Variants in OXR1 observed in about 807,000 individuals in gnomAD.
The protein encoded by OXR1 is oxidation resistance protein 1.
Under a neutral mutation model 104.6 loss-of-function variants are expected in OXR1, and 41 were observed. That is an observed-to-expected ratio of 0.39 (90% CI 0.31 to 0.51). OXR1 has a LOEUF of 0.51. OXR1 is among the 20% of genes least tolerant of loss of function. The pLI is 0.77. For missense variants in OXR1, 955 were observed against 1,031.9 expected, an observed-to-expected ratio of 0.93 and a Z score of 1.02; for synonymous variants, 348 against 348.4, an observed-to-expected ratio of 1.00 and a Z score of 0.01.
chr8:106,302,908 G>A (rs868069316), intron 1 of OXR1, among the ~76,000 whole-genome samples: 5 of 151,250 alleles, frequency 3.3e-5, no homozygotes, highest in Middle Eastern at 3.2e-3. Flanking sequence ...CCCGCCACCA[G>A]GCCCGGCTAA....
At chr8:106,448,305 C>T (rs1820114109) in intron 2 of OXR1, among the ~76,000 whole-genome samples, 2 of 152,262 alleles carry the variant, frequency 1.3e-5, no homozygotes, top group Admixed American at 6.5e-5. Flanking sequence ...GTGCAGTATT[C>T]ATTGCATACG....
intron 3 of OXR1, among the ~76,000 whole-genome samples, chr8:106,641,213 C>T (rs2130941776): frequency 6.6e-6 from 1 of 152,236 alleles, no homozygotes; most frequent in South Asian, 2.1e-4. Flanking sequence ...TTTTTCTGTG[C>T]CAATTGAAGC....
chr8:106,485,849 G>A (rs1424184694), intron 2 of OXR1, among the ~76,000 whole-genome samples: 1 of 151,744 alleles, frequency 6.6e-6, no homozygotes, highest in Non-Finnish European at 1.5e-5. Context: ...AGTGAAATAA[G>A]CCAGGCACAA....
intron 15 of OXR1, among the ~76,000 whole-genome samples, chr8:106,744,522 T>G (rs1266407616): frequency 6.6e-6 from 1 of 152,216 alleles, no homozygotes; most frequent in African/African-American, 2.4e-5. Context: ...CCAGAAACAT[T>G]TAATGACTAA....
chr8:106,374,848 G>A (rs544335680), intron 2 of OXR1, among the ~76,000 whole-genome samples: 2 of 152,090 alleles, frequency 1.3e-5, no homozygotes, highest in Non-Finnish European at 2.9e-5. Context: ...CATCTTTTCT[G>A]GCTGATAAAT....
chr8:106,595,358 T>G (rs1318980194), intron 3 of OXR1, among the ~76,000 whole-genome samples: 1 of 151,898 alleles, frequency 6.6e-6, no homozygotes, highest in Non-Finnish European at 1.5e-5. Flanking sequence ...GAGACAAGCC[T>G]GGCCAACATA....
chr8:106,737,742 G>A (rs1834530730), intron 12 of OXR1, 142 bp downstream of exon 12: 1 of 401,220 alleles, frequency 2.5e-6, no homozygotes, highest in East Asian at 3.5e-5. Flanking sequence ...AAAGGTTATA[G>A]TATTGCCGTG....
chr8:106,644,965 G>T (rs1176010374), intron 3 of OXR1, among the ~76,000 whole-genome samples: 1 of 152,184 alleles, frequency 6.6e-6, no homozygotes, highest in East Asian at 1.9e-4. Flanking sequence ...GGCAGCTGCT[G>T]CTGTGAACAA....
chr8:106,459,265 C>T (rs990095276), intron 2 of OXR1, among the ~76,000 whole-genome samples: 3 of 151,784 alleles, frequency 2.0e-5, no homozygotes, highest in South Asian at 2.1e-4. Flanking sequence ...CTAGTTATTG[C>T]GTTATTGGGT....
intron 6 of OXR1, among the ~76,000 whole-genome samples, chr8:106,691,996 C>T (rs987995555): frequency 6.7e-6 from 1 of 150,286 alleles, no homozygotes; most frequent in African/African-American, 2.4e-5. Context: ...TACACACACA[C>T]ACACACACAT....
intron 9 of OXR1, among the ~76,000 whole-genome samples, chr8:106,708,756 A>G (rs1337155676): frequency 6.6e-6 from 1 of 152,136 alleles, no homozygotes; most frequent in Admixed American, 6.5e-5. Flanking sequence ...ATCTGTTTGA[A>G]TCCCTCCTTT....
chr8:106,582,526 G>A (rs755147789), intron 3 of OXR1, among the ~76,000 whole-genome samples: 1 of 151,938 alleles, frequency 6.6e-6, no homozygotes, highest in African/African-American at 2.4e-5. Flanking sequence ...CCACAATGGA[G>A]AGCGTTAAAT....
intron 3 of OXR1, among the ~76,000 whole-genome samples, chr8:106,592,839 C>G (rs1263112929): frequency 6.6e-6 from 1 of 152,144 alleles, no homozygotes; most frequent in Non-Finnish European, 1.5e-5. Context: ...AAGGAGCTCA[C>G]TCTGGATGTT....
At position 106,359,596 on chromosome 8, in the gene OXR1, C is replaced by T; in HGVS notation, c.-18C>T. 6.5e-7 allele frequency: 1 copy of T among 1,546,970 alleles called. No homozygotes were observed. Among genetic ancestry groups the T allele is most frequent in the Non-Finnish European group, 8.8e-7 (1 of 1,142,478 alleles). ...CCTGTTCTGGAATCGAGAGAAGACT[C>T]CTCAACAAGTTGCTGCAATGTCTGT... is the stretch of plus-strand genomic sequence containing the variant. On this transcript the variant is annotated 5_prime_UTR_variant, in exon 2 of 17. Coordinates refer to ENST00000517566, the MANE Select transcript of OXR1 (RefSeq NM_001198533.2).
At position 106,483,236 on chromosome 8, in the gene OXR1, A is replaced by AACT. The variant is rs529896786; in HGVS notation, c.24-35707_24-35706insACT. ...CAAAAGAAAGTGTCAGTCAGTAGAG[A>AACT]GTTAGTAGCAATGAAAAGACAAAAT... On this transcript the variant is annotated intron_variant, in intron 2 of 16. Transcript: ENST00000517566. 7.9e-5 allele frequency among the ~76,000 whole-genome samples: 12 copies of AACT among 152,174 alleles called. No individual in the cohort carries two copies. In the East Asian group the frequency reaches 2.3e-3, roughly 30 times the overall value.
At chr8:106,648,992 C>A (rs932180541) in intron 3 of OXR1, among the ~76,000 whole-genome samples, 3 of 152,068 alleles carry the variant, frequency 2.0e-5, no homozygotes, top group Admixed American at 6.6e-5. Context: ...ATCGTTTGAG[C>A]CCAGGAGTTG....
At chr8:106,390,802 A>G (rs1563751050) in intron 2 of OXR1, among the ~76,000 whole-genome samples, 1 of 152,170 alleles carries the variant, frequency 6.6e-6, no homozygotes, top group South Asian at 2.1e-4. Context: ...GTAAGTCAAT[A>G]TGTATAGATT....
At chr8:106,514,253 A>G (rs1467805517) in intron 2 of OXR1, among the ~76,000 whole-genome samples, 2 of 152,162 alleles carry the variant, frequency 1.3e-5, no homozygotes, top group African/African-American at 2.4e-5. Context: ...AACGCATTTA[A>G]TTAAGAACAT....
chr8:106,322,905 A>C (rs1177340376), intron 1 of OXR1, among the ~76,000 whole-genome samples: 2 of 152,176 alleles, frequency 1.3e-5, no homozygotes, highest in African/African-American at 4.8e-5. Context: ...CAAATGGAAA[A>C]ACACTCTATG....
Sources: allele counts gnomAD v4.1 joint callset (sites outside exome capture counted in the v4.1 genomes callset), GRCh38; gene constraint gnomAD v4.1.1; transcripts MANE v1.5; gene names NCBI Gene and HGNC (gene_info 2026-07-23, HGNC 2026-07-21).